The following KCNQ3 variants were observed in gnomAD, a reference collection of about 807,000 sequenced individuals.
KCNQ3 encodes the protein potassium voltage-gated channel subfamily KQT member 3.
A neutral mutation model predicts 92.5 loss-of-function variants in KCNQ3; 30 were observed. That is an observed-to-expected ratio of 0.32 (90% confidence interval 0.24 to 0.44). The LOEUF (loss-of-function observed/expected upper bound fraction) is 0.44. KCNQ3 is among the 20% of genes least tolerant of loss of function. KCNQ3 has a pLI of 1.00. For missense variants in KCNQ3, 913 were observed against 1,140.3 expected (o/e 0.80, Z 2.87); for synonymous variants, 450 against 468.8 (o/e 0.96, Z 0.52).
At chr8:132,384,557 T>C (rs1478289567) in intron 1 of KCNQ3, among the ~76,000 whole-genome samples, 5 of 152,168 alleles carry the variant, frequency 3.3e-5, no homozygotes, top group African/African-American at 1.2e-4. Context: ...TAGGGCTTAA[T>C]GGGAAAAGGT....
chr8:132,138,029 G>A lies in KCNQ3; in HGVS notation c.1569-13C>T. On this transcript the variant is annotated splice_polypyrimidine_tract_variant and intron_variant, in intron 11 of 14. Coordinates refer to ENST00000388996, the MANE Select transcript of KCNQ3 (RefSeq NM_004519.4). ...GAATTGTAGAATTCTGCAAGGCAAA[G>A]TAGAGGCATTTGTGCATCCCATGTG... 6.2e-7 allele frequency: 1 copy of A among 1,606,310 alleles called. No individual in the cohort carries two copies. Among genetic ancestry groups the A allele is most frequent in the Non-Finnish European group, 8.5e-7 (1 of 1,179,760 alleles).
chr8:132,365,811 C>T (rs1819305692), intron 1 of KCNQ3, among the ~76,000 whole-genome samples: 2 of 152,164 alleles, frequency 1.3e-5, no homozygotes, highest in Admixed American at 6.5e-5. Flanking sequence ...AGGAGAATTG[C>T]TTGAGGCCAG....
chr8:132,306,860 T>A (rs930100335), intron 1 of KCNQ3, among the ~76,000 whole-genome samples: 3 of 152,200 alleles, frequency 2.0e-5, no homozygotes, highest in Admixed American at 6.5e-5. Flanking sequence ...AGCATTTTTT[T>A]ATATCTTAAG....
At chr8:132,363,441 G>T (rs1819226382) in intron 1 of KCNQ3, among the ~76,000 whole-genome samples, 1 of 152,134 alleles carries the variant, frequency 6.6e-6, no homozygotes, top group African/African-American at 2.4e-5. Flanking sequence ...ACCGGGCCAG[G>T]TGGTGTGGCA....
chr8:132,215,659 C>T (rs1417986060), intron 1 of KCNQ3, among the ~76,000 whole-genome samples: 2 of 152,140 alleles, frequency 1.3e-5, no homozygotes, highest in Non-Finnish European at 2.9e-5. Context: ...AGGAAGTAGA[C>T]CATGAGTTAC....
At chr8:132,304,476 T>G (rs1438165988) in intron 1 of KCNQ3, among the ~76,000 whole-genome samples, 1 of 152,196 alleles carries the variant, frequency 6.6e-6, no homozygotes, top group African/African-American at 2.4e-5. Context: ...ATGTCTGAAA[T>G]GCAGATAGTA....
At chr8:132,141,422 C>T in intron 9 of KCNQ3, 91 bp from the exon 10 acceptor site, 10 of 1,126,706 alleles carry the variant, frequency 8.9e-6, no homozygotes, top group South Asian at 1.3e-5. Flanking sequence ...ACATTCTCCT[C>T]CAAGGAGAAA....
chr8:132,332,170 T>G (rs1266317223), intron 1 of KCNQ3, among the ~76,000 whole-genome samples: 1 of 152,200 alleles, frequency 6.6e-6, no homozygotes, highest in African/African-American at 2.4e-5. Flanking sequence ...CCAGCAGCCA[T>G]GCCATGAGGC....
intron 1 of KCNQ3, among the ~76,000 whole-genome samples, chr8:132,233,236 T>C (rs1188489815): frequency 6.6e-6 from 1 of 152,172 alleles, no homozygotes; most frequent in Non-Finnish European, 1.5e-5. Flanking sequence ...AAAACATGTT[T>C]TCAAAATTAA....
intron 1 of KCNQ3, among the ~76,000 whole-genome samples, chr8:132,293,220 T>C (rs918534314): frequency 2.6e-5 from 4 of 152,202 alleles, no homozygotes; most frequent in African/African-American, 9.6e-5. Context: ...CTGTGAGCTA[T>C]TCTAGCAAAT....
At chr8:132,370,030 G>A (rs1212572505) in intron 1 of KCNQ3, among the ~76,000 whole-genome samples, 1 of 151,982 alleles carries the variant, frequency 6.6e-6, no homozygotes, top group Non-Finnish European at 1.5e-5. Flanking sequence ...TTAAGACTTG[G>A]TGGAAACCTC....
chr8:132,340,589 C>A (rs1818499292), intron 1 of KCNQ3, among the ~76,000 whole-genome samples: 1 of 152,040 alleles, frequency 6.6e-6, no homozygotes, highest in Non-Finnish European at 1.5e-5. Flanking sequence ...AGGAGGGGAA[C>A]ATCACACACC....
intron 8 of KCNQ3, among the ~76,000 whole-genome samples, chr8:132,168,132 C>T (rs7833027): frequency 6.6e-6 from 1 of 152,136 alleles, no homozygotes; most frequent in Admixed American, 6.5e-5. Flanking sequence ...TCATGGGTCC[C>T]TTTTGCCTGT....
chr8:132,246,562 A>G (rs1342454340), intron 1 of KCNQ3, among the ~76,000 whole-genome samples: 1 of 152,236 alleles, frequency 6.6e-6, no homozygotes, highest in African/African-American at 2.4e-5. Flanking sequence ...CTGCCATGAT[A>G]ATGTCCCTTG....
At chr8:132,354,092 A>C (rs918492341) in intron 1 of KCNQ3, among the ~76,000 whole-genome samples, 1 of 152,158 alleles carries the variant, frequency 6.6e-6, no homozygotes, top group Admixed American at 6.5e-5. Flanking sequence ...CCTTCTGTGA[A>C]ATGTAGGAGC....
chr8:132,351,256 C>A (rs930465272), intron 1 of KCNQ3, among the ~76,000 whole-genome samples: 1 of 152,196 alleles, frequency 6.6e-6, no homozygotes, highest in Non-Finnish European at 1.5e-5. Context: ...CATAAATTGC[C>A]AAATATCATC....
At position 132,226,862 on chromosome 8, in the gene KCNQ3, C is replaced by T. The variant is rs1262030311; in HGVS notation, c.387-40681G>A. On this transcript the variant is annotated intron_variant, in intron 1 of 14. Transcript: ENST00000388996. The stretch of plus-strand genomic sequence containing the variant: ...TGAGGGATAAAAACAAGAAATGACA[C>T]TCATATAAAGGTTTAGAAATATCAC... Among the ~76,000 whole-genome samples, 2 of 152,080 alleles carry T rather than the reference C, an allele frequency of 1.3e-5. 1 individual carries two copies. The highest frequency in any genetic ancestry group is 4.8e-5 in the African/African-American group (2 of 41,390).
intron 1 of KCNQ3, among the ~76,000 whole-genome samples, chr8:132,230,473 GA>G (rs1489974259): frequency 1.7e-4 from 26 of 150,648 alleles, no homozygotes; most frequent in Non-Finnish European, 3.0e-5. Context: ...GAGAGAGAGA[GA>G]GAGAGAGAAA....
intron 1 of KCNQ3, among the ~76,000 whole-genome samples, chr8:132,456,958 C>G (rs1821956456): frequency 1.3e-5 from 2 of 152,156 alleles, no homozygotes; most frequent in Admixed American, 1.3e-4. Context: ...ACACACTAAC[C>G]CCACAAGTGC....
Sources: allele counts gnomAD v4.1 joint callset (sites outside exome capture counted in the v4.1 genomes callset), GRCh38; gene constraint gnomAD v4.1.1; transcripts MANE v1.5; gene names NCBI Gene and HGNC (gene_info 2026-07-23, HGNC 2026-07-21).